The following VAPA variants were observed in gnomAD, a reference collection of about 807,000 sequenced individuals.
VAPA encodes the protein vesicle-associated membrane protein-associated protein A.
A neutral mutation model predicts 25.6 loss-of-function variants in VAPA; 6 were observed. The ratio of observed to expected loss-of-function variants is 0.23; its 90% CI spans 0.13 to 0.46. The LOEUF is 0.46. Among genes scored for constraint, VAPA ranks in the 20% least tolerant of loss-of-function variants. The probability of loss-of-function intolerance (pLI) is 0.99; values close to 1 mark genes in which losing one functional copy is unlikely to be tolerated. For missense variants in VAPA, 244 were observed against 302.1 expected, an observed-to-expected ratio of 0.81 and a Z score of 1.43; for synonymous variants, 112 against 106.2, an observed-to-expected ratio of 1.05 and a Z score of -0.34.
intron 5 of VAPA, 109 bp downstream of exon 5, chr18:9,950,677 TTTC>T: frequency 8.3e-7 from 1 of 1,207,862 alleles, no homozygotes; most frequent in Non-Finnish European, 1.1e-6. Context: ...TGGTCAGTTC[TTTC>T]TTCTTTGCCC....
intron 1 of VAPA, among the ~76,000 whole-genome samples, chr18:9,917,524 G>A (rs978603477): frequency 6.6e-6 from 1 of 152,104 alleles, no homozygotes. Context: ...CAGGTGATCC[G>A]CCTGCCTTGG....
At position 9,958,144 on chromosome 18, in the gene VAPA, A is replaced by G. The variant is rs1253157813; in HGVS notation, c.*3933A>G. ...TTTCATTCATTTCCCTGTAATATTAATGTTCTTTAAGCATAATCACTAATT... is the reference window on the plus strand; with the variant it reads ...TTTCATTCATTTCCCTGTAATATTAGTGTTCTTTAAGCATAATCACTAATT... On this transcript the variant is annotated 3_prime_UTR_variant, in exon 6 of 6. Transcript: ENST00000400000. 2.0e-5 allele frequency: 3 copies of G among 152,174 alleles called. No individual in the cohort carries two copies. The highest frequency in any genetic ancestry group is 4.4e-5 in the Non-Finnish European group (3 of 68,026). The allele number at this position is 152,174 out of a possible 1,614,324, so 9.4% of individuals were successfully genotyped here.
intron 1 of VAPA, among the ~76,000 whole-genome samples, chr18:9,919,903 A>G (rs2069142320): frequency 6.6e-6 from 1 of 152,234 alleles, no homozygotes; most frequent in East Asian, 1.9e-4. Flanking sequence ...CGGCTGCAGC[A>G]GTACTGGCAA....
chr18:9,944,978 AAC>A, intron 4 of VAPA: 1 of 1,614,180 alleles, frequency 6.2e-7, no homozygotes, highest in Non-Finnish European at 8.5e-7. Context: ...CAGCATCAAC[AAC>A]ACAGTTGCAA....
At chr18:9,944,075 T>C (rs2069396082) in intron 4 of VAPA, among the ~76,000 whole-genome samples, 1 of 151,702 alleles carries the variant, frequency 6.6e-6, no homozygotes, top group African/African-American at 2.4e-5. Flanking sequence ...GGTGTCAATC[T>C]CCTGACCTTG....
Position 9,958,037 on chromosome 18 carries a change from CAG to C in VAPA, c.*3827_*3828del, listed in dbSNP as rs1193771960. The C allele has an allele frequency of 3.9e-5, 6 of 152,226 alleles. No homozygotes were observed. The highest frequency in any genetic ancestry group is 8.8e-5 in the Non-Finnish European group (6 of 68,044). The allele number at this position is 152,226 out of a possible 1,614,324, so 9.4% of individuals were successfully genotyped here. A position where few individuals can be genotyped will look rare whatever the true frequency, so the allele number is the denominator to read the frequency against. On this transcript the variant is annotated 3_prime_UTR_variant, in exon 6 of 6. Transcript: ENST00000400000. ...GAAAGTTTGTCTTGCCCTTCTGACA[CAG>C]TGTGTGCACTTCAGGCAATTTTTGG... is the stretch of plus-strand genomic sequence containing the variant.
In VAPA at chr18:9,938,568, C is replaced by T. The variant is rs537516166; in HGVS notation, c.417+1502C>T. On this transcript the variant is annotated intron_variant, in intron 4 of 5. Transcript: ENST00000400000. The stretch of plus-strand genomic sequence containing the variant: ...TGAATGGAGTTCCCAGAATCCCCTG[C>T]GGTGGAACTCGAGCAGGAGTAGTTT... 1.9e-4 allele frequency among the ~76,000 whole-genome samples: 29 copies of T among 152,272 alleles called. No individual in the cohort carries two copies. The South Asian group carries it at 3.7e-3, about 20-fold the overall frequency.
intron 5 of VAPA, among the ~76,000 whole-genome samples, chr18:9,953,696 G>A (rs1483998637): frequency 1.3e-5 from 2 of 151,832 alleles, no homozygotes; most frequent in Non-Finnish European, 2.9e-5. Flanking sequence ...TATTTTTAGT[G>A]GGATTTAAAA....
intron 3 of VAPA, 58 bp from the exon 4 acceptor site, chr18:9,936,928 A>C (rs1039963180): frequency 4.0e-5 from 60 of 1,514,724 alleles, no homozygotes; most frequent in Non-Finnish European, 5.2e-5. Flanking sequence ...CGTGAGGTGA[A>C]ACTTACTTAC....
chr18:9,920,753 A>G (rs1384137338), intron 1 of VAPA, among the ~76,000 whole-genome samples: 2 of 152,242 alleles, frequency 1.3e-5, no homozygotes, highest in African/African-American at 4.8e-5. Flanking sequence ...CTAACTCTCC[A>G]GCCTCAGTGT....
intron 1 of VAPA, among the ~76,000 whole-genome samples, chr18:9,918,086 C>T (rs1485513754): frequency 1.3e-5 from 2 of 152,072 alleles, no homozygotes; most frequent in Non-Finnish European, 2.9e-5. Context: ...CACATCCATA[C>T]TTTCTTCCCT....
intron 1 of VAPA, among the ~76,000 whole-genome samples, chr18:9,925,642 GTT>G (rs904441856): frequency 7.2e-5 from 11 of 151,906 alleles, no homozygotes; most frequent in Admixed American, 1.3e-4. Flanking sequence ...ATTTAAATGT[GTT>G]TGAAAAAAAC....
intron 4 of VAPA, among the ~76,000 whole-genome samples, chr18:9,940,227 A>G (rs1308018048): frequency 2.0e-5 from 3 of 152,076 alleles, no homozygotes; most frequent in Admixed American, 6.5e-5. Flanking sequence ...GTTTATTATT[A>G]TTGTTGATGC....
chr18:9,934,551 C>A (rs2069288642), intron 2 of VAPA, among the ~76,000 whole-genome samples: 1 of 152,216 alleles, frequency 6.6e-6, no homozygotes, highest in Admixed American at 6.5e-5. Flanking sequence ...ATGGACTTCT[C>A]AGACACACCT....
At chr18:9,925,500 C>T (rs1226139480) in intron 1 of VAPA, among the ~76,000 whole-genome samples, 1 of 151,724 alleles carries the variant, frequency 6.6e-6, no homozygotes, top group Non-Finnish European at 1.5e-5. Context: ...GAAAGTATTA[C>T]TCTATTTGTA....
intron 1 of VAPA, chr18:9,915,803 A>G (rs1567890176): frequency 1.3e-5 from 2 of 152,234 alleles, no homozygotes; most frequent in Non-Finnish European, 2.9e-5. Context: ...ATAGAAGTGT[A>G]AGTGAGCTAC....
chr18:9,918,976 C>T (rs1420437062), intron 1 of VAPA, among the ~76,000 whole-genome samples: 1 of 152,174 alleles, frequency 6.6e-6, no homozygotes, highest in Non-Finnish European at 1.5e-5. Context: ...TCTTGGCTCA[C>T]TGCAGCCGTG....
chr18:9,915,209 ACCTTCAGTGCG>A (rs1422807328), intron 1 of VAPA: 1 of 151,968 alleles, frequency 6.6e-6, no homozygotes, highest in Non-Finnish European at 1.5e-5. Flanking sequence ...CTGCTGAGAA[ACCTTCAGTGCG>A]TGTGACTTTT....
chr18:9,937,112 G>A, intron 4 of VAPA, 46 bp downstream of exon 4: 3 of 1,482,840 alleles, frequency 2.0e-6, no homozygotes, highest in Non-Finnish European at 2.8e-6. Flanking sequence ...TGAGCTCTCA[G>A]TTCCTTTGAT....
Sources: gnomAD v4.1 joint callset for allele counts (sites outside exome capture counted in the v4.1 genomes callset) on GRCh38, gnomAD v4.1.1 for gene constraint, MANE v1.5 for transcripts, NCBI Gene and HGNC (gene_info 2026-07-23, HGNC 2026-07-21) for gene names.